VOPP1: variants seen among roughly 807,000 people sequenced by gnomAD.
The protein encoded by VOPP1 is VOPP1 WW domain binding protein.
VOPP1 carries 8 observed loss-of-function variants against 23.5 expected under a neutral mutation model. The observed-to-expected ratio is 0.34, with a 90% CI of 0.20 to 0.61. VOPP1 has a LOEUF of 0.61. VOPP1 is among the 20% of genes least tolerant of loss of function. VOPP1 has a pLI of 0.78. For synonymous variants in VOPP1, 83 were observed against 97.3 expected (o/e 0.85, Z 0.86); for missense variants, 174 against 238.1 (o/e 0.73, Z 1.77).
chr7:55,486,496 C>T (rs1444601041), intron 4 of VOPP1, among the ~76,000 whole-genome samples: 1 of 152,084 alleles, frequency 6.6e-6, no homozygotes, highest in Non-Finnish European at 1.5e-5. Context: ...GTAAGAATAA[C>T]GGAGACAGAG....
chr7:55,550,720 T>G (rs1435571854), intron 1 of VOPP1, among the ~76,000 whole-genome samples: 1 of 152,120 alleles, frequency 6.6e-6, no homozygotes, highest in East Asian at 1.9e-4. Context: ...TTTAACGGAA[T>G]GGAAATGCTC....
rs367738113 is a variant in VOPP1, at chr7:55,498,095, G to A, written c.114-405C>T. Among the ~76,000 whole-genome samples, 52 of 152,366 alleles carry A rather than the reference G, an allele frequency of 3.4e-4. 1 individual carries two copies. The East Asian group carries it at 4.2e-3, about 12-fold the overall frequency. On this transcript the variant is annotated intron_variant, in intron 2 of 4. Coordinates refer to ENST00000285279, the MANE Select transcript of VOPP1 (RefSeq NM_030796.5). ...CTTCAGTCCCCGACTACGGGGAAAAGATGGAAATACCCCACCACATCCACT... is the reference window on the plus strand; with the variant it reads ...CTTCAGTCCCCGACTACGGGGAAAAAATGGAAATACCCCACCACATCCACT...
intron 4 of VOPP1, among the ~76,000 whole-genome samples, chr7:55,481,556 G>A (rs527360869): frequency 2.0e-5 from 3 of 152,334 alleles, no homozygotes; most frequent in East Asian, 1.9e-4. Flanking sequence ...GAAAGAGGGC[G>A]GAGGAAAGAA....
At chr7:55,456,756 A>ATTGTTCCCCCC (rs1465066223) in intron 4 of VOPP1, among the ~76,000 whole-genome samples, 1 of 152,122 alleles carries the variant, frequency 6.6e-6, no homozygotes. Flanking sequence ...CAATGAAAAC[A>ATTGTTCCCCCC]CATGGACACA....
intron 4 of VOPP1, among the ~76,000 whole-genome samples, chr7:55,455,825 C>A (rs953954187): frequency 6.6e-6 from 1 of 152,110 alleles, no homozygotes; most frequent in Admixed American, 6.6e-5. Context: ...AATACTTAAA[C>A]GTAAGACCTA....
chr7:55,498,682 T>A (rs1794155033), intron 2 of VOPP1, among the ~76,000 whole-genome samples: 1 of 152,014 alleles, frequency 6.6e-6, no homozygotes, highest in South Asian at 2.1e-4. Context: ...TTTTTTCCTT[T>A]AAAAAAAAGT....
intron 1 of VOPP1, among the ~76,000 whole-genome samples, chr7:55,540,259 A>G (rs1002331172): frequency 1.3e-5 from 2 of 151,894 alleles, no homozygotes; most frequent in East Asian, 3.9e-4. Flanking sequence ...TTAGCTGGGC[A>G]TGGTGGTGCG....
chr7:55,489,298 T>C (rs1369505310), intron 4 of VOPP1, among the ~76,000 whole-genome samples: 1 of 152,142 alleles, frequency 6.6e-6, no homozygotes, highest in African/African-American at 2.4e-5. Flanking sequence ...GCAAGAAGTA[T>C]AAAATGAAAA....
Position 55,458,348 on chromosome 7 carries a change from T to C in VOPP1, n.418-22174A>G, listed in dbSNP as rs1301435447. ...AGCCCTGTAATGTTTTGAAGTTAAGTAGTGTGATGCTTCCAGCTTTTTCTT... is the reference window on the plus strand; with the variant it reads ...AGCCCTGTAATGTTTTGAAGTTAAGCAGTGTGATGCTTCCAGCTTTTTCTT... On this transcript the variant is annotated intron_variant and non_coding_transcript_variant, in intron 4 of 4. Coordinates refer to the VOPP1 transcript ENST00000462326. Among the ~76,000 whole-genome samples, 5 of 152,166 alleles carry C rather than the reference T, an allele frequency of 3.3e-5. No individual in the cohort carries two copies. The East Asian group carries it at 7.7e-4, about 23-fold the overall frequency.
chr7:55,467,405 A>AATCTCCCCG (rs1791660358), downstream of VOPP1, among the ~76,000 whole-genome samples: 1 of 152,214 alleles, frequency 6.6e-6, no homozygotes, highest in Non-Finnish European at 1.5e-5. Flanking sequence ...TCCCTACCAC[A>AATCTCCCCG]GCCCCTCTGC....
chr7:55,546,525 C>T (rs192763412), intron 1 of VOPP1, among the ~76,000 whole-genome samples: 7 of 152,270 alleles, frequency 4.6e-5, no homozygotes, highest in Admixed American at 4.6e-4. Flanking sequence ...TAGCAATATA[C>T]CAATGTTGGT....
At chr7:55,509,733 C>T (rs1260489076) in intron 2 of VOPP1, among the ~76,000 whole-genome samples, 2 of 152,192 alleles carry the variant, frequency 1.3e-5, no homozygotes, top group African/African-American at 4.8e-5. Context: ...GCAAGAACTC[C>T]AAACTCCACA....
At chr7:55,504,718 T>C (rs1794595971) in intron 2 of VOPP1, among the ~76,000 whole-genome samples, 1 of 152,244 alleles carries the variant, frequency 6.6e-6, no homozygotes, top group African/African-American at 2.4e-5. Flanking sequence ...CCAGTCTTTC[T>C]TTCCAATGTC....
At chr7:55,520,558 A>G (rs539226993) in intron 2 of VOPP1, among the ~76,000 whole-genome samples, 170 of 152,346 alleles carry the variant, frequency 1.1e-3, no homozygotes, top group South Asian at 1.0e-3. Context: ...TGGAAGGATT[A>G]TAACCCATTC....
chr7:55,554,648 T>G (rs1797741165), intron 1 of VOPP1, among the ~76,000 whole-genome samples: 1 of 152,202 alleles, frequency 6.6e-6, no homozygotes, highest in Admixed American at 6.5e-5. Context: ...TGCCATGGAC[T>G]GACACAGAAC....
intron 1 of VOPP1, among the ~76,000 whole-genome samples, chr7:55,555,374 C>A (rs1172850443): frequency 6.6e-6 from 1 of 152,214 alleles, no homozygotes; most frequent in Admixed American, 6.5e-5. Context: ...CATGTGAAAG[C>A]TGGAAAGAAC....
At chr7:55,453,232 C>T (rs1190054994) in intron 4 of VOPP1, among the ~76,000 whole-genome samples, 2 of 152,184 alleles carry the variant, frequency 1.3e-5, no homozygotes, top group Non-Finnish European at 2.9e-5. Context: ...TCTGCAGTTT[C>T]CTCACCTCTT....
At chr7:55,447,855 T>C (rs1791140865) in intron 4 of VOPP1, among the ~76,000 whole-genome samples, 1 of 152,194 alleles carries the variant, frequency 6.6e-6, no homozygotes. Flanking sequence ...GGTGAAGAAC[T>C]CTTGTAATAA....
intron 1 of VOPP1, among the ~76,000 whole-genome samples, chr7:55,551,499 A>C (rs1013501477): frequency 2.0e-5 from 3 of 152,188 alleles, no homozygotes; most frequent in African/African-American, 4.8e-5. Flanking sequence ...TTAAATGCAC[A>C]AACACTTGGT....
Sources: allele counts gnomAD v4.1 joint callset (sites outside exome capture counted in the v4.1 genomes callset), GRCh38; gene constraint gnomAD v4.1.1; transcripts MANE v1.5; gene names NCBI Gene and HGNC (gene_info 2026-07-23, HGNC 2026-07-21).